TENM2: variants seen among roughly 807,000 people sequenced by gnomAD.
TENM2 encodes teneurin-2.
Under a neutral mutation model 245.2 loss-of-function variants are expected in TENM2, and 52 were observed. The observed-to-expected ratio is 0.21, with a 90% CI of 0.17 to 0.27. TENM2 has a LOEUF of 0.27. TENM2 is among the 10% of genes least tolerant of loss of function. TENM2 has a pLI of 1.00. For synonymous variants in TENM2, 1,363 were observed against 1,438.9 expected (o/e 0.95, Z 1.19); for missense variants, 3,046 against 3,666.8 (o/e 0.83, Z 4.37).
chr5:168,176,240 G>A (rs1055379749), intron 13 of TENM2, among the ~76,000 whole-genome samples: 17 of 152,120 alleles, frequency 1.1e-4, no homozygotes, highest in Admixed American at 2.6e-4. Context: ...GCCTTGCCAG[G>A]GCCTCTCATC....
At chr5:167,778,757 ATACT>A (rs747530207) in intron 2 of TENM2, among the ~76,000 whole-genome samples, 15 of 152,216 alleles carry the variant, frequency 9.9e-5, no homozygotes, top group Non-Finnish European at 1.9e-4. Context: ...ACAAAATGGG[ATACT>A]TAATCTGGGT....
At chr5:167,624,260 CTT>C (rs1778361084) in intron 2 of TENM2, among the ~76,000 whole-genome samples, 1 of 152,112 alleles carries the variant, frequency 6.6e-6, no homozygotes, top group African/African-American at 2.4e-5. Context: ...AAAATTATGC[CTT>C]TTGCAGCAAC....
rs114782257 is a variant in TENM2, at chr5:167,751,981, C to T, written c.503-124005C>T. 6.5e-3 allele frequency among the ~76,000 whole-genome samples: 974 copies of T among 150,098 alleles called. 11 individuals are homozygous for T. The highest frequency in any genetic ancestry group is 0.022 in the African/African-American group (907 of 41,252). On this transcript the variant is annotated intron_variant, in intron 2 of 28. Coordinates refer to ENST00000518659, the Ensembl canonical transcript of TENM2. ...ACACACACACACACACACACATGCG[C>T]GCACACGATTGTGCAAATAAATATG...
the TENM2 span, among the ~76,000 whole-genome samples, chr5:167,175,208 T>C: frequency 4.8e-4 from 73 of 152,292 alleles, no homozygotes; most frequent in Non-Finnish European, 8.2e-4. Flanking sequence ...TTTTAAAAAA[T>C]TTTAAATATT....
chr5:167,108,386 A>G, the TENM2 span, among the ~76,000 whole-genome samples: 2 of 152,270 alleles, frequency 1.3e-5, no homozygotes, highest in East Asian at 3.9e-4. Context: ...TTGGCCTCCC[A>G]AAGTGCTAGG....
chr5:167,641,168 C>T (rs533447297), intron 2 of TENM2, among the ~76,000 whole-genome samples: 7 of 151,828 alleles, frequency 4.6e-5, no homozygotes, highest in Non-Finnish European at 8.8e-5. Flanking sequence ...CTTACTGTGT[C>T]CATGCATGTT....
intron 5 of TENM2, among the ~76,000 whole-genome samples, chr5:168,006,734 G>T (rs1042191037): frequency 6.6e-6 from 1 of 152,166 alleles, no homozygotes; most frequent in South Asian, 2.1e-4. Flanking sequence ...GCCTGCGGTC[G>T]TATTAACCAG....
chr5:167,449,509 CAGATAGATAGATAGATAGATAGATAGAT>C (rs60756285), intron 2 of TENM2, among the ~76,000 whole-genome samples: 128 of 144,060 alleles, frequency 8.9e-4, no homozygotes, highest in South Asian at 2.1e-3. Flanking sequence ...TAAAGATATG[CAGATAGATAGATAGATAGATAGATAGAT>C]AGATAGATAG....
chr5:167,280,331 A>C (rs1439529415), upstream of TENM2, among the ~76,000 whole-genome samples: 2 of 152,194 alleles, frequency 1.3e-5, no homozygotes, highest in African/African-American at 4.8e-5. Context: ...TGACTCTCCT[A>C]AACATTCTTC....
At chr5:167,880,119 G>A (rs1310572581) in intron 3 of TENM2, among the ~76,000 whole-genome samples, 3 of 151,766 alleles carry the variant, frequency 2.0e-5, no homozygotes, top group Non-Finnish European at 4.4e-5. Context: ...TGCAACCTCC[G>A]CCCCCCAGGT....
intron 2 of TENM2, among the ~76,000 whole-genome samples, chr5:167,811,891 G>A (rs1766669517): frequency 6.6e-6 from 1 of 152,160 alleles, no homozygotes. Context: ...CAGCTACTAT[G>A]TGCAGCTCAC....
At chr5:168,197,734 G>C (rs1284799890) in intron 15 of TENM2, among the ~76,000 whole-genome samples, 2 of 151,796 alleles carry the variant, frequency 1.3e-5, no homozygotes. Flanking sequence ...AATTCTAGAG[G>C]GGAGGTAAAA....
At chr5:167,301,365 G>C (rs1314606963) in intron 1 of TENM2, among the ~76,000 whole-genome samples, 4 of 152,214 alleles carry the variant, frequency 2.6e-5, no homozygotes, top group Non-Finnish European at 5.9e-5. Flanking sequence ...GCTCCTGGGG[G>C]AGGCAGTTCT....
chr5:167,807,719 A>G (rs1046480809), intron 2 of TENM2, among the ~76,000 whole-genome samples: 1 of 151,990 alleles, frequency 6.6e-6, no homozygotes, highest in Admixed American at 6.6e-5. Context: ...GAGGCTCTAT[A>G]TGTGATCACT....
the TENM2 span, among the ~76,000 whole-genome samples, chr5:167,068,770 T>C: frequency 6.6e-6 from 1 of 152,236 alleles, no homozygotes; most frequent in Admixed American, 6.5e-5. Flanking sequence ...GGTTTTGGTA[T>C]ATACAGACCA....
intron 2 of TENM2, among the ~76,000 whole-genome samples, chr5:167,730,319 C>A: frequency 6.6e-6 from 1 of 152,128 alleles, no homozygotes; most frequent in East Asian, 1.9e-4. Flanking sequence ...GCTGTGAAGA[C>A]AAAGGTATGA....
intron 2 of TENM2, among the ~76,000 whole-genome samples, chr5:167,693,332 A>G (rs279408): frequency 0.43 from 64,719 of 151,960 alleles, 16,309 homozygotes; most frequent in East Asian, 0.91. Flanking sequence ...TGGAACTTTA[A>G]TATGTTAAAA....
intron 1 of TENM2, among the ~76,000 whole-genome samples, chr5:167,347,653 A>ATCCT (rs199948480): frequency 2.0e-5 from 3 of 151,290 alleles, no homozygotes; most frequent in African/African-American, 7.3e-5. Context: ...TCTTCCTTCC[A>ATCCT]TCCTTCCTTC....
chr5:167,618,021 C>G (rs1364690087), intron 2 of TENM2, among the ~76,000 whole-genome samples: 1 of 152,066 alleles, frequency 6.6e-6, no homozygotes, highest in African/African-American at 2.4e-5. Flanking sequence ...TGGTGCCGTG[C>G]TTGGGATTGG....
Sources: allele counts gnomAD v4.1 joint callset (sites outside exome capture counted in the v4.1 genomes callset), GRCh38; gene constraint gnomAD v4.1.1; transcripts MANE v1.5; gene names NCBI Gene and HGNC (gene_info 2026-07-23, HGNC 2026-07-21).